ZNF589: variants seen among roughly 807,000 people sequenced by gnomAD.
The protein encoded by ZNF589 is KRAB-zinc finger protein SZF1-1.
A neutral mutation model predicts 13.6 loss-of-function variants in ZNF589; 17 were observed. The observed-to-expected ratio is 1.25, with a 90% CI of 0.86 to 1.88. ZNF589 has a LOEUF of 1.88. ZNF589 is among the 40% of genes most tolerant of loss of function. The pLI, the probability that ZNF589 is intolerant of heterozygous loss-of-function variation, is 0.00. For synonymous variants in ZNF589, 148 were observed against 161.6 expected (o/e 0.92, Z 0.64); for missense variants, 407 against 434.0 (o/e 0.94, Z 0.55).
chr3:48,257,201 G>A (rs752387542), intron 2 of ZNF589, among the ~76,000 whole-genome samples: 5 of 152,100 alleles, frequency 3.3e-5, no homozygotes, highest in Non-Finnish European at 7.4e-5. Flanking sequence ...TCTGCTTTGT[G>A]TTCTGGAAGA....
At position 48,246,606 on chromosome 3, in the gene ZNF589, G is replaced by A. The variant is rs556677083; in HGVS notation, c.44-1019G>A. Among the ~76,000 whole-genome samples the A allele has an allele frequency of 5.9e-5, 9 of 152,154 alleles. No individual in the cohort carries two copies. In the South Asian group the frequency reaches 1.5e-3, roughly 25 times the overall value. On this transcript the variant is annotated intron_variant, in intron 1 of 3. Coordinates refer to ENST00000354698, the MANE Select transcript of ZNF589 (RefSeq NM_016089.3). ...ATTACAGGCGTGAGCCACTGAAACC[G>A]GCCTGACACATTTTTAAAAAATATT...
In ZNF589 at chr3:48,269,640, G is replaced by C. The variant is rs2034067872; in HGVS notation, c.*854G>C. ...TGCGTGGAGTGTGGGCAAAGCTTTA[G>C]GAGAAAGTCACAGCTCATCATACAC... is the stretch of plus-strand genomic sequence containing the variant. On this transcript the variant is annotated 3_prime_UTR_variant, in exon 4 of 4. Transcript: ENST00000354698. The C allele has an allele frequency of 3.0e-6, 1 of 335,330 alleles. No homozygotes were observed. Among genetic ancestry groups the C allele is most frequent in the South Asian group, 2.6e-5 (1 of 38,764 alleles). The allele number at this position is 335,330 out of a possible 1,614,324, so 20.8% of individuals were successfully genotyped here.
intron 2 of ZNF589, among the ~76,000 whole-genome samples, chr3:48,252,634 T>C (rs1266975400): frequency 2.7e-5 from 4 of 145,700 alleles, no homozygotes; most frequent in African/African-American, 5.1e-5. Flanking sequence ...TTTTTTTTTT[T>C]TTTTTTTGAA....
At chr3:48,256,450 G>T (rs559523667) in intron 2 of ZNF589, 2 of 562,496 alleles carry the variant, frequency 3.6e-6, no homozygotes, top group East Asian at 8.0e-5. Flanking sequence ...GCCTTTTTTT[G>T]TAGATGGGCA....
chr3:48,255,618 C>T (rs1258101206), intron 2 of ZNF589, among the ~76,000 whole-genome samples: 2 of 151,832 alleles, frequency 1.3e-5, no homozygotes, highest in Admixed American at 6.6e-5. Context: ...CTCAGCCTCC[C>T]GAGTAGCCGG....
rs1475715079 is a variant in ZNF589 at position 48,269,950 on chromosome 3, A to T, written c.*1164A>T. On this transcript the variant is annotated 3_prime_UTR_variant, in exon 4 of 4. Transcript: ENST00000354698. ...TGTACGCCCACCCCACTCTTGTTCT[A>T]AGAGCTTTGGGGACAGTCTTTTGAC... is the stretch of plus-strand genomic sequence containing the variant. 1 of 438,610 alleles carries T rather than the reference A, an allele frequency of 2.3e-6. No homozygotes were observed. The highest frequency in any genetic ancestry group is 4.6e-6 in the Non-Finnish European group (1 of 217,318). The allele number at this position is 438,610 out of a possible 1,614,324, so 27.2% of individuals were successfully genotyped here. A position where few individuals can be genotyped will look rare whatever the true frequency, so the allele number is the denominator to read the frequency against.
chr3:48,260,490 C>T (rs1000321688), intron 2 of ZNF589, among the ~76,000 whole-genome samples: 1 of 152,178 alleles, frequency 6.6e-6, no homozygotes, highest in Non-Finnish European at 1.5e-5. Context: ...TTTACTGCCA[C>T]CTCTGCCTCT....
chr3:48,249,107 C>CTTT (rs11439670), intron 2 of ZNF589, among the ~76,000 whole-genome samples: 1 of 143,962 alleles, frequency 6.9e-6, no homozygotes, highest in Non-Finnish European at 1.5e-5. Context: ...CTTTTTTTTT[C>CTTT]TTTTTTTTTT....
chr3:48,269,377 G>A lies in ZNF589; in HGVS notation c.*591G>A. On this transcript the variant is annotated 3_prime_UTR_variant, in exon 4 of 4. Transcript: ENST00000354698. Reference sequence around the variant, plus strand: ...AACCTTATGTGTGCAGCCAGTGTGGGCGAGGCTTTTGTGATAAATCAACTC... The same window carrying A: ...AACCTTATGTGTGCAGCCAGTGTGGACGAGGCTTTTGTGATAAATCAACTC... 1 of 758,512 alleles carries A rather than the reference G, an allele frequency of 1.3e-6. No individual in the cohort carries two copies. The highest frequency in any genetic ancestry group is 3.3e-5 in the East Asian group (1 of 30,154). The allele number at this position is 758,512 out of a possible 1,614,324, so 47.0% of individuals were successfully genotyped here. A position where few individuals can be genotyped will look rare whatever the true frequency, so the allele number is the denominator to read the frequency against.
intron 1 of ZNF589, among the ~76,000 whole-genome samples, chr3:48,242,388 AG>A (rs200415750): frequency 0.011 from 1,705 of 152,260 alleles, 34 homozygotes; most frequent in African/African-American, 0.038. Context: ...TTGGGATTAC[AG>A]GTGGGAGCTA....
Position 48,268,855 on chromosome 3 carries a change from T to C in ZNF589, c.*69T>C. ...GGATACATTCAGATGAGAAGCCTTT[T>C]GTTTGCAGAGAGTGTGGGCGAGGCT... is the stretch of plus-strand genomic sequence containing the variant. On this transcript the variant is annotated 3_prime_UTR_variant, in exon 4 of 4. Coordinates refer to ENST00000354698, the MANE Select transcript of ZNF589 (RefSeq NM_016089.3). 1.3e-6 allele frequency: 2 copies of C among 1,525,494 alleles called. No individual in the cohort carries two copies. The highest frequency in any genetic ancestry group is 1.8e-6 in the Non-Finnish European group (2 of 1,136,774). 94.5% of individuals were successfully genotyped at this position (1,525,494 alleles called of 1,614,324 possible).
In ZNF589 at chr3:48,268,759, GGA is replaced by G; in HGVS notation, c.1069_1070del (p.Asp357Ter). 6.2e-7 allele frequency: 1 copy of G among 1,613,770 alleles called. No individual in the cohort carries two copies. The highest frequency in any genetic ancestry group is 1.3e-5 in the African/African-American group (1 of 74,982). ...LIKHQRIHTG[D>X]KPYVCRD ...TTAAGCACCAGAGAATTCACACGGG[GGA>G]TAAGCCTTATGTGTGCAGAGATTGA... On this transcript the variant is annotated frameshift_variant, in exon 4 of 4. Coordinates refer to ENST00000354698, the MANE Select transcript of ZNF589 (RefSeq NM_016089.3). LOFTEE classifies it high-confidence loss of function.
In ZNF589 at chr3:48,269,739, C is replaced by T; in HGVS notation, c.*953C>T. 1 of 337,616 alleles carries T rather than the reference C, an allele frequency of 3.0e-6. No homozygotes were observed. The highest frequency in any genetic ancestry group is 5.8e-6 in the Non-Finnish European group (1 of 171,964). 20.9% of individuals were successfully genotyped at this position (337,616 alleles called of 1,614,324 possible). A position where few individuals can be genotyped will look rare whatever the true frequency, so the allele number is the denominator to read the frequency against. On this transcript the variant is annotated 3_prime_UTR_variant, in exon 4 of 4. Transcript: ENST00000354698. ...GTGATTTTAGCAACAAGTCAGCCAT[C>T]AGCCACACCAGCGGAAATGCTTAGG...
At chr3:48,261,338 G>A (rs1426577604) in intron 3 of ZNF589, among the ~76,000 whole-genome samples, 1 of 152,150 alleles carries the variant, frequency 6.6e-6, no homozygotes, top group African/African-American at 2.4e-5. Flanking sequence ...TGGATATGTG[G>A]GTCAGGTGGG....
chr3:48,253,868 A>G (rs1350574877), intron 2 of ZNF589, among the ~76,000 whole-genome samples: 2 of 152,112 alleles, frequency 1.3e-5, no homozygotes, highest in Non-Finnish European at 2.9e-5. Flanking sequence ...AAGTGAGAGG[A>G]TTGCTTGAGC....
intron 2 of ZNF589, among the ~76,000 whole-genome samples, chr3:48,257,341 C>G (rs924497963): frequency 6.6e-6 from 1 of 152,062 alleles, no homozygotes; most frequent in East Asian, 1.9e-4. Context: ...CTCACTGCAA[C>G]CCCTGCCTCC....
chr3:48,268,866 A>C lies in ZNF589; in HGVS notation c.*80A>C, dbSNP rs2034055683. On this transcript the variant is annotated 3_prime_UTR_variant, in exon 4 of 4. Coordinates refer to ENST00000354698, the MANE Select transcript of ZNF589 (RefSeq NM_016089.3). ...GATGAGAAGCCTTTTGTTTGCAGAG[A>C]GTGTGGGCGAGGCTTTCGTGCTAAA... 1 of 1,514,922 alleles carries C rather than the reference A, an allele frequency of 6.6e-7. No individual in the cohort carries two copies. Among genetic ancestry groups the C allele is most frequent in the African/African-American group, 1.4e-5 (1 of 71,794 alleles). 93.8% of individuals were successfully genotyped at this position (1,514,922 alleles called of 1,614,324 possible).
At chr3:48,257,449 G>A (rs1296626381) in intron 2 of ZNF589, among the ~76,000 whole-genome samples, 1 of 151,846 alleles carries the variant, frequency 6.6e-6, no homozygotes, top group African/African-American at 2.4e-5. Context: ...TAGTAGAGAC[G>A]GGATTTCACC....
At chr3:48,261,342 A>C (rs1172114739) in intron 3 of ZNF589, among the ~76,000 whole-genome samples, 1 of 152,168 alleles carries the variant, frequency 6.6e-6, no homozygotes, top group Non-Finnish European at 1.5e-5. Flanking sequence ...TATGTGGGTC[A>C]GGTGGGAAAC....
Sources: gnomAD v4.1 joint callset for allele counts (sites outside exome capture counted in the v4.1 genomes callset) on GRCh38, gnomAD v4.1.1 for gene constraint, MANE v1.5 for transcripts, NCBI Gene and HGNC (gene_info 2026-07-23, HGNC 2026-07-21) for gene names.